Variants in PPM1L observed in about 807,000 individuals in gnomAD.
The protein encoded by PPM1L is protein phosphatase, Mg2+/Mn2+ dependent 1L.
Under a neutral mutation model 31.4 loss-of-function variants are expected in PPM1L, and 13 were observed. The ratio of observed to expected loss-of-function variants is 0.41; its 90% CI spans 0.27 to 0.66. The LOEUF is 0.66. PPM1L is among the 30% of genes least tolerant of loss of function. PPM1L has a pLI of 0.29. For missense variants in PPM1L, 326 were observed against 453.7 expected, an observed-to-expected ratio of 0.72 and a Z score of 2.56; for synonymous variants, 184 against 175.4, an observed-to-expected ratio of 1.05 and a Z score of -0.39.
At chr3:161,046,494 G>A (rs1038271282) in intron 2 of PPM1L, among the ~76,000 whole-genome samples, 6 of 152,156 alleles carry the variant, frequency 3.9e-5, no homozygotes, top group Admixed American at 2.6e-4. Context: ...ATTCACAGCC[G>A]AATTCTACCA....
intron 2 of PPM1L, among the ~76,000 whole-genome samples, chr3:161,034,293 A>G (rs1037264845): frequency 2.0e-5 from 3 of 152,212 alleles, no homozygotes; most frequent in Non-Finnish European, 2.9e-5. Flanking sequence ...GCGATTCCTC[A>G]AGGATCTAGA....
intron 2 of PPM1L, among the ~76,000 whole-genome samples, chr3:161,051,821 C>T (rs1719288332): frequency 6.6e-6 from 1 of 152,174 alleles, no homozygotes; most frequent in Non-Finnish European, 1.5e-5. Flanking sequence ...TTATGAGTAA[C>T]TGCAGAACCT....
intron 1 of PPM1L, among the ~76,000 whole-genome samples, chr3:160,786,192 T>TATATATATATATATATATATAC (rs1560106743): frequency 2.4e-5 from 2 of 83,184 alleles, no homozygotes; most frequent in African/African-American, 1.2e-4. Flanking sequence ...TGTGTGTATA[T>TATATATATATATATATATATAC]ATATATATAT....
At chr3:161,029,831 C>A (rs949499616) in intron 2 of PPM1L, among the ~76,000 whole-genome samples, 6 of 152,134 alleles carry the variant, frequency 3.9e-5, no homozygotes, top group African/African-American at 1.4e-4. Flanking sequence ...CAAAAGAGAG[C>A]AAGCCGTTAA....
intron 1 of PPM1L, among the ~76,000 whole-genome samples, chr3:160,876,945 T>C (rs994786843): frequency 2.0e-5 from 3 of 152,216 alleles, no homozygotes; most frequent in African/African-American, 7.2e-5. Context: ...CAACCAATCA[T>C]AGGCTAAGAA....
chr3:160,770,117 T>TA (rs1279041742), intron 1 of PPM1L, among the ~76,000 whole-genome samples: 1 of 152,206 alleles, frequency 6.6e-6, no homozygotes, highest in Admixed American at 6.5e-5. Context: ...TTAGCTTTAG[T>TA]AGCATTTCTG....
rs1202971818 is a variant in PPM1L at position 161,072,171 on chromosome 3, T to C, written c.*3014T>C. The stretch of plus-strand genomic sequence containing the variant: ...TTTAATTAATTGTATCTAAAATTCT[T>C]TCATCATAGGAATAAACAACACATA... On this transcript the variant is annotated 3_prime_UTR_variant, in exon 4 of 4. Coordinates refer to ENST00000498165, the MANE Select transcript of PPM1L (RefSeq NM_139245.4). 6.6e-6 allele frequency: 1 copy of C among 152,228 alleles called. No individual in the cohort carries two copies. The highest frequency in any genetic ancestry group is 1.5e-5 in the Non-Finnish European group (1 of 68,040). The allele number at this position is 152,228 out of a possible 1,614,324, so 9.4% of individuals were successfully genotyped here.
chr3:160,901,144 A>C (rs1036294368), intron 1 of PPM1L, among the ~76,000 whole-genome samples: 1 of 152,012 alleles, frequency 6.6e-6, no homozygotes, highest in Non-Finnish European at 1.5e-5. Flanking sequence ...GTGGCTTTGC[A>C]TGTCATCGGT....
chr3:160,986,651 G>A (rs773063576), intron 2 of PPM1L, among the ~76,000 whole-genome samples: 3 of 152,190 alleles, frequency 2.0e-5, no homozygotes, highest in Non-Finnish European at 4.4e-5. Context: ...TCATAGAACA[G>A]TGAGTTTGTA....
At chr3:160,886,031 G>T (rs531671006) in intron 1 of PPM1L, among the ~76,000 whole-genome samples, 2 of 152,332 alleles carry the variant, frequency 1.3e-5, no homozygotes, top group South Asian at 4.1e-4. Flanking sequence ...AGCCAGTGAG[G>T]CTGGATGGCT....
At chr3:160,980,824 G>A (rs1716772888) in intron 2 of PPM1L, among the ~76,000 whole-genome samples, 1 of 151,970 alleles carries the variant, frequency 6.6e-6, no homozygotes, top group African/African-American at 2.4e-5. Context: ...AAGGAAGGTA[G>A]AAGGAAGGAA....
intron 2 of PPM1L, among the ~76,000 whole-genome samples, chr3:160,974,590 T>A (rs1020179325): frequency 2.0e-5 from 3 of 151,794 alleles, no homozygotes; most frequent in Non-Finnish European, 4.4e-5. Context: ...GGTATCTCAT[T>A]GTGGTTTTGA....
At chr3:160,916,950 A>G (rs1406837978) in intron 1 of PPM1L, among the ~76,000 whole-genome samples, 1 of 152,210 alleles carries the variant, frequency 6.6e-6, no homozygotes, top group Admixed American at 6.5e-5. Context: ...TAAACTATAT[A>G]AACACTTGCT....
intron 1 of PPM1L, among the ~76,000 whole-genome samples, chr3:160,827,271 A>T (rs1262652052): frequency 6.6e-6 from 1 of 151,294 alleles, no homozygotes; most frequent in Admixed American, 6.6e-5. Flanking sequence ...CTTCCAGCAG[A>T]AATCCTCCTG....
intron 2 of PPM1L, among the ~76,000 whole-genome samples, chr3:160,991,079 TAA>T (rs3063243): frequency 5.5e-4 from 76 of 138,090 alleles, no homozygotes; most frequent in African/African-American, 8.3e-4. Flanking sequence ...GCTGATGAGC[TAA>T]AAAAAAAAAA....
At chr3:160,806,040 A>G (rs1012575221) in intron 1 of PPM1L, among the ~76,000 whole-genome samples, 3 of 152,090 alleles carry the variant, frequency 2.0e-5, no homozygotes, top group Non-Finnish European at 4.4e-5. Context: ...ATACCAACTG[A>G]TGTCTCACAC....
intron 1 of PPM1L, among the ~76,000 whole-genome samples, chr3:160,810,493 G>T (rs1193635583): frequency 6.6e-6 from 1 of 152,076 alleles, no homozygotes; most frequent in African/African-American, 2.4e-5. Context: ...TATTAAATTG[G>T]TCCCTGGTGG....
intron 1 of PPM1L, among the ~76,000 whole-genome samples, chr3:160,784,812 A>G (rs1711856985): frequency 6.6e-6 from 1 of 152,176 alleles, no homozygotes; most frequent in Non-Finnish European, 1.5e-5. Flanking sequence ...GTTGAAAGGA[A>G]AGTACTTTTA....
At position 160,756,500 on chromosome 3, in the gene PPM1L, C is replaced by T. The variant is rs1398399609; in HGVS notation, c.192C>T (p.Ala64=). ...TGAAGATGGTGAAGGGCAAGGTAGC[C>T]GAGATCATGCAGAACGATCGACTCG... ...DAVKMVKGKV[A]EIMQNDRLGG... is the part of the protein sequence containing the mutation. The change falls in exon 1 of 4, where the codon GCC becomes GCT. Residue 64 remains alanine, a synonymous_variant. Coordinates refer to ENST00000498165, the MANE Select transcript of PPM1L (RefSeq NM_139245.4). This position sits in a 1 kb window ranked among gnomAD's most constrained non-coding sequence, Gnocchi z 6.2. The T allele has an allele frequency of 6.2e-7, 1 of 1,613,974 alleles. No individual in the cohort carries two copies. Among genetic ancestry groups the T allele is most frequent in the Non-Finnish European group, 8.5e-7 (1 of 1,180,032 alleles).
Sources: allele counts gnomAD v4.1 joint callset (sites outside exome capture counted in the v4.1 genomes callset), GRCh38; gene constraint gnomAD v4.1.1; non-coding constraint Gnocchi (gnomAD v3.1); transcripts MANE v1.5; gene names NCBI Gene and HGNC (gene_info 2026-07-23, HGNC 2026-07-21).